Variants in WIZ observed in about 807,000 individuals in gnomAD.
The protein encoded by WIZ is WIZ zinc finger.
Under a neutral mutation model 140.2 loss-of-function variants are expected in WIZ, and 25 were observed. The ratio of observed to expected loss-of-function variants is 0.18; its 90% CI spans 0.13 to 0.25. The LOEUF is 0.25. Among genes scored for constraint, WIZ ranks in the 10% least tolerant of loss-of-function variants. WIZ has a pLI of 1.00. For synonymous variants in WIZ, 1,125 were observed against 1,154.3 expected (o/e 0.97, Z 0.51); for missense variants, 2,231 against 2,632.6 (o/e 0.85, Z 3.34).
Position 15,421,154 on chromosome 19 carries a change from A to T in WIZ, c.*1922T>A, listed in dbSNP as rs923683224. 1 of 152,288 alleles carries T rather than the reference A, an allele frequency of 6.6e-6. No homozygotes were observed. The allele number at this position is 152,288 out of a possible 1,614,324, so 9.4% of individuals were successfully genotyped here. On this transcript the variant is annotated 3_prime_UTR_variant, in exon 13 of 13. Transcript: ENST00000673675. Reference sequence around the variant, plus strand: ...AAAAAATAAAAACTGACTTATGAAAAGTTGAAAGAGGAAGAAACACCTTTG... The same window carrying T: ...AAAAAATAAAAACTGACTTATGAAATGTTGAAAGAGGAAGAAACACCTTTG...
chr19:15,430,183 C>T, intron 6 of WIZ, 94 bp from the exon 7 acceptor site: 8 of 1,427,994 alleles, frequency 5.6e-6, no homozygotes, highest in Non-Finnish European at 7.3e-6. Flanking sequence ...CTCACCCAGG[C>T]TCCATGGAAG....
At position 15,427,594 on chromosome 19, in the gene WIZ, G is replaced by A. The variant is rs1225500702; in HGVS notation, c.3815-61C>T. The A allele has an allele frequency of 2.5e-5, 38 of 1,536,850 alleles. No homozygotes were observed. Among genetic ancestry groups the A allele is most frequent in the Non-Finnish European group, 3.2e-5 (36 of 1,141,988 alleles). On this transcript the variant is annotated intron_variant, in intron 8 of 12. Transcript: ENST00000673675. This position sits in a 1 kb window ranked among gnomAD's most constrained non-coding sequence, Gnocchi z 6.4. ...GGAACTGCCAGCATGGTCACCTGCA[G>A]GAGTGTCCTGGTCGGCTGGGCGTGG...
rs762063692 is a variant in WIZ, at chr19:15,436,918, T to C, written c.2628A>G (p.Arg876=). The change falls in exon 5 of 13, where the codon CGA becomes CGG. Residue 876 remains arginine, a synonymous_variant. Coordinates refer to ENST00000673675, the MANE Select transcript of WIZ (RefSeq NM_001371589.1). ...AAEQPPSPLG[R]EPGGPPGSFL... ...AGCTGCCAGGCGGACCCCCAGGCTC[T>C]CGGCCCAGGGGGCTGGGGGGCTGCT... The C allele has an allele frequency of 3.2e-5, 51 of 1,612,728 alleles. No homozygotes were observed. The highest frequency in any genetic ancestry group is 4.0e-5 in the Non-Finnish European group (47 of 1,179,530).
intron 3 of WIZ, among the ~76,000 whole-genome samples, chr19:15,441,700 T>C (rs1188830544): frequency 6.6e-6 from 1 of 152,186 alleles, no homozygotes; most frequent in African/African-American, 2.4e-5. Flanking sequence ...ATTCAGATGT[T>C]GGGTGGAGAC....
At position 15,422,663 on chromosome 19, in the gene WIZ, T is replaced by C. The variant is rs1968442680; in HGVS notation, c.*413A>G. On this transcript the variant is annotated 3_prime_UTR_variant, in exon 13 of 13. Transcript: ENST00000673675. The stretch of plus-strand genomic sequence containing the variant: ...TTGTGTGTGTTCGCATGTACATGTG[T>C]GTGAGAGGATATTCATGGGGGAGAG... 4.8e-6 allele frequency: 1 copy of C among 206,714 alleles called. No individual in the cohort carries two copies. 12.8% of individuals were successfully genotyped at this position (206,714 alleles called of 1,614,324 possible).
Position 15,442,794 on chromosome 19 carries a change from C to T in WIZ, c.206-46G>A, listed in dbSNP as rs894455590. ...CCTGAGGGGCTGGGGTCCCCCTGGC[C>T]GGGGCCCTCCACACCCCAGCTCCAG... is the stretch of plus-strand genomic sequence containing the variant. On this transcript the variant is annotated intron_variant, in intron 2 of 12. Transcript: ENST00000673675. The surrounding 1 kb of genome is among the most constrained non-coding windows in gnomAD (Gnocchi z 5.5). The T allele has an allele frequency of 3.2e-5, 38 of 1,179,172 alleles. No individual in the cohort carries two copies. In the East Asian group the frequency reaches 5.7e-4, roughly 18 times the overall value. 73.0% of individuals were successfully genotyped at this position (1,179,172 alleles called of 1,614,324 possible). A position where few individuals can be genotyped will look rare whatever the true frequency, so the allele number is the denominator to read the frequency against.
chr19:15,428,445 C>T lies in WIZ; in HGVS notation c.3479G>A (p.Arg1160His), dbSNP rs866159349. 1 of 1,535,606 alleles carries T rather than the reference C, an allele frequency of 6.5e-7. No homozygotes were observed. Among genetic ancestry groups the T allele is most frequent in the Non-Finnish European group, 8.7e-7 (1 of 1,146,812 alleles). The change falls in exon 8 of 13, where the codon CGC (arginine) becomes CAC (histidine). Residue 1160 changes from arginine (R) to histidine (H), a missense_variant. Arg to His is a conservative substitution (Grantham distance 29). Coordinates refer to ENST00000673675, the MANE Select transcript of WIZ (RefSeq NM_001371589.1). This position sits in a 1 kb window ranked among gnomAD's most constrained non-coding sequence, Gnocchi z 6.4. ...ACGGGCGTGGCTAGACAGGCCCTTG[C>T]GGGTCTCAAACCAGGCACCGCACAG... is the stretch of plus-strand genomic sequence containing the variant. ...CQLCGAWFET[R>H]KGLSSHARAH...
Position 15,429,874 on chromosome 19 carries a change from G to A in WIZ, c.3127C>T (p.Leu1043=), listed in dbSNP as rs1428966273. The A allele has an allele frequency of 1.3e-6, 2 of 1,533,886 alleles. No homozygotes were observed. Among genetic ancestry groups the A allele is most frequent in the Non-Finnish European group, 1.7e-6 (2 of 1,145,392 alleles). The change falls in exon 7 of 13, where the codon CTG becomes TTG. Residue 1043 remains leucine, a synonymous_variant. Coordinates refer to ENST00000673675, the MANE Select transcript of WIZ (RefSeq NM_001371589.1). ...GGGGCCCCGGCGACCACCTCCTTCA[G>A]TGAGCTGGACTTCTTAGCCAGGCCT... ...PPGLAKKSSS[L]KEVVAGAPRP...
In WIZ at chr19:15,439,509, ATCC is replaced by A; in HGVS notation, c.1482_1484del (p.Glu494del). ...CAGGGTCTTCCTCATAAGCCTCGCC[ATCC>A]TCCTCCCAGTGGGGATGGGCATGCA... On this transcript the variant is annotated inframe_deletion, in exon 4 of 13. Transcript: ENST00000673675. This position sits in a 1 kb window ranked among gnomAD's most constrained non-coding sequence, Gnocchi z 7.0. 2.6e-6 allele frequency: 4 copies of A among 1,534,406 alleles called. No homozygotes were observed. Among genetic ancestry groups the A allele is most frequent in the Non-Finnish European group, 3.5e-6 (4 of 1,145,942 alleles).
At chr19:15,431,261 C>T (rs1259793301) in intron 5 of WIZ, 79 bp from the exon 6 acceptor site, 28 of 1,407,114 alleles carry the variant, frequency 2.0e-5, no homozygotes, top group Non-Finnish European at 2.6e-5. Context: ...GGCCTTCTTC[C>T]TTATCCTTGA....
At chr19:15,434,804 T>A (rs1969459513) in intron 5 of WIZ, among the ~76,000 whole-genome samples, 1 of 152,134 alleles carries the variant, frequency 6.6e-6, no homozygotes, top group South Asian at 2.1e-4. Context: ...CCTGGGCTCC[T>A]TCACCAAATA....
Position 15,438,656 on chromosome 19 carries a change from T to C in WIZ, c.2338A>G (p.Asn780Asp). ...GHLNRVGVSY[N>D]VRHFISAEEV... ...TCAGCGGAGATGAAATGGCGCACATTGTAGCTGACGCCCACGCGGTTCAGG... is the reference window on the plus strand; with the variant it reads ...TCAGCGGAGATGAAATGGCGCACATCGTAGCTGACGCCCACGCGGTTCAGG... Residue 780 changes from asparagine (N) to aspartate (D), a missense_variant, in exon 4 of 13, where the codon AAT becomes GAT. Coordinates refer to ENST00000673675, the MANE Select transcript of WIZ (RefSeq NM_001371589.1). 1 of 1,535,954 alleles carries C rather than the reference T, an allele frequency of 6.5e-7. No individual in the cohort carries two copies. The highest frequency in any genetic ancestry group is 8.7e-7 in the Non-Finnish European group (1 of 1,146,704).
chr19:15,446,582 T>A lies in WIZ; in HGVS notation c.205+1521A>T, dbSNP rs558245786. Among the ~76,000 whole-genome samples the A allele has an allele frequency of 1.8e-4, 27 of 152,316 alleles. 2 individuals carry two copies. In the South Asian group the frequency reaches 5.6e-3, roughly 32 times the overall value. The stretch of plus-strand genomic sequence containing the variant: ...CCTGACACCTGCAGATGCCACCAGC[T>A]ACCTCTAAGCCTTGGCATGTACACA... On this transcript the variant is annotated intron_variant, in intron 2 of 12. Transcript: ENST00000673675.
chr19:15,444,687 A>T (rs1325276815), intron 2 of WIZ, among the ~76,000 whole-genome samples: 1 of 152,196 alleles, frequency 6.6e-6, no homozygotes, highest in African/African-American at 2.4e-5. Context: ...AGAGTTGGGA[A>T]AGAAAGGCCT....
intron 2 of WIZ, among the ~76,000 whole-genome samples, chr19:15,444,877 T>C (rs1315033882): frequency 6.6e-6 from 1 of 152,140 alleles, no homozygotes. Context: ...ATTCCGGGCG[T>C]CCCAGATTTG....
chr19:15,431,035 T>A lies in WIZ; in HGVS notation c.2888A>T (p.Lys963Ile), dbSNP rs1262297786. ...ACCCTTGAGGTCCTGCAGCTCCTGT[T>A]TGCTGCCATGAGGAACCTCTGCAGC... is the stretch of plus-strand genomic sequence containing the variant. ...KVAAEVPHGS[K>I]QELQDLKAQS... The change falls in exon 6 of 13, where the codon AAA becomes ATA. Residue 963 changes from lysine (K) to isoleucine (I), a missense_variant. This residue lies in a region of WIZ where 137 missense variants were observed against 135.8 expected (regional missense o/e 1.01). Transcript: ENST00000673675. 3.3e-6 allele frequency: 5 copies of A among 1,535,398 alleles called. No homozygotes were observed. In the South Asian group the frequency reaches 6.0e-5, roughly 18 times the overall value.
rs374280950 is a variant in WIZ, at chr19:15,425,564, G to A, written c.4571C>T (p.Pro1524Leu). ...SKPCLIKKEP[P>L]AGDLAPALAE... ...CAGGGCAGGGGCCAGGTCTCCAGCCGGTGGCTCCTTCTTGATGAGGCACGG... is the reference window on the plus strand; with the variant it reads ...CAGGGCAGGGGCCAGGTCTCCAGCCAGTGGCTCCTTCTTGATGAGGCACGG... The change falls in exon 10 of 13, where the codon CCG (proline) becomes CTG (leucine). Residue 1524 changes from proline (P) to leucine (L), a missense_variant. By Grantham distance (98) the Pro-to-Leu change is moderately conservative. This residue lies in a region of WIZ where 393 missense variants were observed against 451.7 expected (regional missense o/e 0.87). Transcript: ENST00000673675. 27 of 1,613,048 alleles carry A rather than the reference G, an allele frequency of 1.7e-5. No individual in the cohort carries two copies. The highest frequency in any genetic ancestry group is 1.2e-4 in the African/African-American group (9 of 74,872).
intron 5 of WIZ, among the ~76,000 whole-genome samples, chr19:15,433,997 G>T (rs1004085767): frequency 4.6e-5 from 7 of 152,212 alleles, no homozygotes; most frequent in African/African-American, 1.7e-4. Context: ...GCTAACGCCT[G>T]TAATCCCAGC....
chr19:15,434,943 G>A (rs1053278213), intron 5 of WIZ, among the ~76,000 whole-genome samples: 1 of 152,088 alleles, frequency 6.6e-6, no homozygotes, highest in Non-Finnish European at 1.5e-5. Context: ...TTAAAACAGG[G>A]ACATGGCCGG....
Sources: gnomAD v4.1 joint callset for allele counts (sites outside exome capture counted in the v4.1 genomes callset) on GRCh38, gnomAD v4.1.1 for gene constraint, gnomAD v4.1.1 regional missense constraint, Gnocchi (gnomAD v3.1) non-coding constraint, MANE v1.5 for transcripts, NCBI Gene and HGNC (gene_info 2026-07-23, HGNC 2026-07-21) for gene names.